CACNA1B: variants seen among roughly 807,000 people sequenced by gnomAD.
The protein encoded by CACNA1B is calcium voltage-gated channel subunit alpha1 B.
In CACNA1B, 70 loss-of-function variants were observed where a neutral mutation model predicts 247.2. The ratio of observed to expected loss-of-function variants is 0.28; its 90% CI spans 0.23 to 0.35. CACNA1B has a LOEUF of 0.35. Ranked by LOEUF, CACNA1B falls within the 10% of genes least tolerant of loss-of-function variation. The pLI, the probability that CACNA1B is intolerant of heterozygous loss-of-function variation, is 1.00. For synonymous variants in CACNA1B, 1,231 were observed against 1,294.4 expected, an observed-to-expected ratio of 0.95 and a Z score of 1.05; for missense variants, 2,367 against 3,197.4, an observed-to-expected ratio of 0.74 and a Z score of 6.26.
chr9:138,100,505 C>A lies in CACNA1B; in HGVS notation c.5223-2206C>A, dbSNP rs1334244305. On this transcript the variant is annotated intron_variant, in intron 37 of 46. Transcript: ENST00000371372. The surrounding 1 kb of genome is among the most constrained non-coding windows in gnomAD (Gnocchi z 4.6). ...CTTTGGTGAGGCCGAGGTGGGGCTT[C>A]CTGTTTCTTCCCTTTTACAGAAGGA... Among the ~76,000 whole-genome samples, 1 of 152,094 alleles carries A rather than the reference C, an allele frequency of 6.6e-6. No individual in the cohort carries two copies. The highest frequency in any genetic ancestry group is 2.4e-5 in the African/African-American group (1 of 41,424).
chr9:137,915,203 G>A (rs1957396795), intron 5 of CACNA1B, among the ~76,000 whole-genome samples: 2 of 152,212 alleles, frequency 1.3e-5, no homozygotes, highest in South Asian at 4.1e-4. Flanking sequence ...GGCCTATGGT[G>A]CGGAGCAGCG....
intron 15 of CACNA1B, among the ~76,000 whole-genome samples, chr9:138,001,848 A>G (rs1160241687): frequency 6.6e-6 from 1 of 152,206 alleles, no homozygotes; most frequent in African/African-American, 2.4e-5. Flanking sequence ...AATAAATCTA[A>G]CTAAAATTGT....
chr9:137,950,196 C>T lies in CACNA1B; in HGVS notation c.967-2078C>T, dbSNP rs562550596. Among the ~76,000 whole-genome samples the T allele has an allele frequency of 1.3e-5, 2 of 152,274 alleles. No homozygotes were observed. The highest frequency in any genetic ancestry group is 4.8e-5 in the African/African-American group (2 of 41,548). On this transcript the variant is annotated intron_variant, in intron 6 of 46. Coordinates refer to ENST00000371372, the MANE Select transcript of CACNA1B (RefSeq NM_000718.4). This position sits in a 1 kb window ranked among gnomAD's most constrained non-coding sequence, Gnocchi z 4.8. ...GTGGCCGGTCTGGCTCCCCACCATG[C>T]CTCAAGGGAACTTTCCTGGCTGGGA...
At chr9:138,016,187 G>A (rs1339713102) in intron 18 of CACNA1B, among the ~76,000 whole-genome samples, 1 of 152,066 alleles carries the variant, frequency 6.6e-6, no homozygotes, top group African/African-American at 2.4e-5. Flanking sequence ...CACACACAGT[G>A]TCACACTCAC....
At chr9:138,108,753 A>G (rs1299109508) in intron 39 of CACNA1B, among the ~76,000 whole-genome samples, 6 of 151,832 alleles carry the variant, frequency 4.0e-5, no homozygotes, top group Non-Finnish European at 8.8e-5. Flanking sequence ...GGTTCACGCC[A>G]TTCTCCTGCC....
intron 12 of CACNA1B, among the ~76,000 whole-genome samples, chr9:137,983,106 A>G (rs987714818): frequency 6.6e-6 from 1 of 152,246 alleles, no homozygotes; most frequent in Non-Finnish European, 1.5e-5. Flanking sequence ...CGTTAAGCTC[A>G]TCAGCTTTGC....
chr9:138,000,091 A>G (rs1290414848), intron 15 of CACNA1B, among the ~76,000 whole-genome samples: 1 of 141,148 alleles, frequency 7.1e-6, no homozygotes, highest in African/African-American at 2.5e-5. Context: ...GAAAGCGTAG[A>G]TGAAACATGC....
intron 20 of CACNA1B, among the ~76,000 whole-genome samples, chr9:138,034,544 A>G (rs1039841243): frequency 1.3e-5 from 2 of 148,592 alleles, no homozygotes; most frequent in African/African-American, 5.0e-5. Context: ...CCCCTTTCCT[A>G]GTCCTTTCAC....
At chr9:137,989,168 G>A (rs942062181) in intron 15 of CACNA1B, among the ~76,000 whole-genome samples, 9 of 152,202 alleles carry the variant, frequency 5.9e-5, no homozygotes, top group African/African-American at 2.2e-4. Context: ...CCTCCAAGGG[G>A]TAAAGGGGGA....
In CACNA1B at chr9:138,053,887, C is replaced by T; in HGVS notation, c.3849C>T (p.Leu1283=). The part of the protein sequence containing the change: ...DCVVNSLKNV[L]NILIVYMLFM... ...TGGTGAACTCCCTGAAGAATGTCCT[C>T]AACATCTTGATTGTCTACATGCTCT... The change falls in exon 26 of 47, where the codon CTC becomes CTT. Residue 1283 remains leucine, a synonymous_variant. Coordinates refer to ENST00000371372, the MANE Select transcript of CACNA1B (RefSeq NM_000718.4). 6.2e-7 allele frequency: 1 copy of T among 1,613,218 alleles called. No homozygotes were observed. The highest frequency in any genetic ancestry group is 8.5e-7 in the Non-Finnish European group (1 of 1,179,182).
At position 137,917,994 on chromosome 9, in the gene CACNA1B, G is replaced by A. The variant is rs1192431120; in HGVS notation, c.966+563G>A. Among the ~76,000 whole-genome samples the A allele has an allele frequency of 1.3e-5, 2 of 152,240 alleles. No individual in the cohort carries two copies. The highest frequency in any genetic ancestry group is 4.8e-5 in the African/African-American group (2 of 41,478). Reference sequence around the variant, plus strand: ...CCCCAGGCTGCCCGGCGAAGGTGGTGAACCGCGGAGCAGGGCCGAGGCCCC... The same window carrying A: ...CCCCAGGCTGCCCGGCGAAGGTGGTAAACCGCGGAGCAGGGCCGAGGCCCC... On this transcript the variant is annotated intron_variant, in intron 6 of 46. Transcript: ENST00000371372. This position sits in a 1 kb window ranked among gnomAD's most constrained non-coding sequence, Gnocchi z 5.5.
rs746035434 is a variant in CACNA1B at position 138,075,821 on chromosome 9, G to A, written c.4860G>A (p.Val1620=). The change falls in exon 35 of 47, where the codon GTG becomes GTA. Residue 1620 remains valine, a splice_region_variant and synonymous_variant. Coordinates refer to ENST00000371372, the MANE Select transcript of CACNA1B (RefSeq NM_000718.4). The part of the protein sequence containing the change: ...FFIYAIIGMQ[V]FGNIALDDDT... ...GCCATTGCTCTTCTCCATTGCAGGT[G>A]TTTGGGAATATTGCCCTGGATGATG... 9.3e-6 allele frequency: 15 copies of A among 1,605,026 alleles called. No homozygotes were observed.
intron 6 of CACNA1B, among the ~76,000 whole-genome samples, chr9:137,929,546 C>A (rs1253439686): frequency 6.6e-6 from 1 of 152,084 alleles, no homozygotes; most frequent in Non-Finnish European, 1.5e-5. Flanking sequence ...CAGAGGGAGA[C>A]CCTGTCTTTA....
At chr9:138,048,529 G>A (rs1173902499) in intron 23 of CACNA1B, among the ~76,000 whole-genome samples, 2 of 152,220 alleles carry the variant, frequency 1.3e-5, no homozygotes, top group African/African-American at 4.8e-5. Context: ...CCTTCGGGGT[G>A]TGACCTGGGC....
intron 3 of CACNA1B, among the ~76,000 whole-genome samples, chr9:137,906,370 C>T (rs1211563022): frequency 6.6e-6 from 1 of 152,118 alleles, no homozygotes; most frequent in Non-Finnish European, 1.5e-5. Context: ...AACTTTTCCT[C>T]CTATGTAATT....
chr9:137,964,068 C>G (rs1194388793), intron 10 of CACNA1B, among the ~76,000 whole-genome samples: 1 of 152,234 alleles, frequency 6.6e-6, no homozygotes, highest in African/African-American at 2.4e-5. Flanking sequence ...CACTGCTAGT[C>G]TGATGGGATT....
intron 37 of CACNA1B, among the ~76,000 whole-genome samples, chr9:138,099,422 CAT>C (rs551455531): frequency 1.6e-4 from 25 of 152,230 alleles, no homozygotes; most frequent in South Asian, 4.2e-4. Flanking sequence ...GTATGAATGA[CAT>C]GTGCACCTGT....
At chr9:138,041,300 C>T (rs1245802821) in intron 20 of CACNA1B, among the ~76,000 whole-genome samples, 1 of 152,164 alleles carries the variant, frequency 6.6e-6, no homozygotes, top group Non-Finnish European at 1.5e-5. Flanking sequence ...GTTTCTTAAT[C>T]TGGAAAGGGG....
At chr9:138,003,179 C>T (rs957296386) in intron 15 of CACNA1B, among the ~76,000 whole-genome samples, 3 of 144,544 alleles carry the variant, frequency 2.1e-5, no homozygotes, top group African/African-American at 7.6e-5. Flanking sequence ...GACCCCATCT[C>T]CAAATTTCTT....
Sources: allele counts gnomAD v4.1 joint callset (sites outside exome capture counted in the v4.1 genomes callset), GRCh38; gene constraint gnomAD v4.1.1; non-coding constraint Gnocchi (gnomAD v3.1); transcripts MANE v1.5; gene names NCBI Gene and HGNC (gene_info 2026-07-23, HGNC 2026-07-21).